RARRES1: variants seen among roughly 807,000 people sequenced by gnomAD.
The protein encoded by RARRES1 is retinoic acid receptor responder 1.
In RARRES1, 34 loss-of-function variants were observed where a neutral mutation model predicts 30.6. That is an observed-to-expected ratio of 1.11 (90% CI 0.84 to 1.48). The LOEUF (loss-of-function observed/expected upper bound fraction) is 1.48. Among genes scored for constraint, RARRES1 ranks in the 40% most tolerant of loss-of-function variants. The pLI is 0.00. For synonymous variants in RARRES1, 153 were observed against 155.5 expected, an observed-to-expected ratio of 0.98 and a Z score of 0.12; for missense variants, 373 against 386.5, an observed-to-expected ratio of 0.97 and a Z score of 0.29.
chr3:158,729,841 T>C (rs1199419923), intron 1 of RARRES1, among the ~76,000 whole-genome samples: 1 of 152,094 alleles, frequency 6.6e-6, no homozygotes, highest in Admixed American at 6.6e-5. Flanking sequence ...TGAGCTTGGT[T>C]TTCTGCAGGG....
chr3:158,710,972 A>C (rs777251163), intron 2 of RARRES1, 39 bp from the exon 3 acceptor site: 3 of 1,543,170 alleles, frequency 1.9e-6, no homozygotes, highest in African/African-American at 2.7e-5. Context: ...CCTCCCACTC[A>C]CCCCAGTGCA....
At chr3:158,717,872 T>C (rs1727375693) in intron 1 of RARRES1, among the ~76,000 whole-genome samples, 1 of 152,038 alleles carries the variant, frequency 6.6e-6, no homozygotes, top group East Asian at 1.9e-4. Context: ...CCACCAGCCA[T>C]GTGAGAGCAG....
intron 4 of RARRES1, among the ~76,000 whole-genome samples, chr3:158,701,290 T>C (rs771124559): frequency 6.6e-6 from 1 of 152,170 alleles, no homozygotes; most frequent in Non-Finnish European, 1.5e-5. Flanking sequence ...ATGACATCTA[T>C]TCTTCAGTTC....
intron 4 of RARRES1, among the ~76,000 whole-genome samples, chr3:158,700,610 T>C (rs1236425522): frequency 6.6e-6 from 1 of 152,152 alleles, no homozygotes; most frequent in East Asian, 1.9e-4. Context: ...TTTAAAAAAA[T>C]GCAGAAGAGG....
At chr3:158,714,177 C>T (rs1290559230) in intron 1 of RARRES1, among the ~76,000 whole-genome samples, 1 of 152,200 alleles carries the variant, frequency 6.6e-6, no homozygotes, top group African/African-American at 2.4e-5. Flanking sequence ...ATTCCTTCAT[C>T]CCCAACTCCT....
intron 1 of RARRES1, among the ~76,000 whole-genome samples, chr3:158,730,582 C>A (rs1044768548): frequency 6.6e-6 from 1 of 151,794 alleles, no homozygotes; most frequent in Non-Finnish European, 1.5e-5. Flanking sequence ...CACAGGCCCA[C>A]GCCACCACAT....
intron 1 of RARRES1, among the ~76,000 whole-genome samples, chr3:158,718,351 A>G (rs1727391993): frequency 6.6e-6 from 1 of 152,196 alleles, no homozygotes; most frequent in African/African-American, 2.4e-5. Context: ...TAGCCCAATA[A>G]TTGGGCCAAT....
At chr3:158,717,863 C>T (rs1428933085) in intron 1 of RARRES1, among the ~76,000 whole-genome samples, 1 of 152,142 alleles carries the variant, frequency 6.6e-6, no homozygotes, top group African/African-American at 2.4e-5. Flanking sequence ...GCCACCCTCC[C>T]ACCAGCCATG....
Position 158,710,877 on chromosome 3 carries a change from G to C in RARRES1, c.396C>G (p.Phe132Leu), listed in dbSNP as rs1321884163. ...RLGKCSARVF[F>L]KNQKPRPTIN... The stretch of plus-strand genomic sequence containing the variant: ...TGGTTGGTCTGGGTTTCTGATTCTT[G>C]AAAAACACTCGAGCAGAACATTTCC... Residue 132 changes from phenylalanine to leucine, a missense_variant, in exon 3 of 6, where the codon TTC (phenylalanine) becomes TTG (leucine). Phe to Leu is a conservative substitution (Grantham distance 22). Transcript: ENST00000237696. 1.2e-6 allele frequency: 2 copies of C among 1,613,780 alleles called. No homozygotes were observed. Among genetic ancestry groups the C allele is most frequent in the African/African-American group, 2.7e-5 (2 of 74,876 alleles).
intron 1 of RARRES1, among the ~76,000 whole-genome samples, chr3:158,716,429 A>T (rs1167679284): frequency 2.6e-5 from 4 of 152,230 alleles, no homozygotes; most frequent in Non-Finnish European, 4.4e-5. Context: ...ATAATTGTGC[A>T]TATTTTAAAT....
chr3:158,730,578 C>T (rs1379306906), intron 1 of RARRES1, among the ~76,000 whole-genome samples: 2 of 151,732 alleles, frequency 1.3e-5, no homozygotes, highest in East Asian at 3.9e-4. Flanking sequence ...GGACCACAGG[C>T]CCACGCCACC....
rs574060732 is a variant in RARRES1, at chr3:158,704,947, C to T, written c.536-20G>A. The T allele has an allele frequency of 7.5e-6, 12 of 1,600,116 alleles. No individual in the cohort carries two copies. The highest frequency in any genetic ancestry group is 1.0e-5 in the Non-Finnish European group (12 of 1,176,214). Reference sequence around the variant, plus strand: ...GATTATCTGAGAGAGACAAAAAAAGCACATTTGTATTAATGCATTTTTGAG... The same window carrying T: ...GATTATCTGAGAGAGACAAAAAAAGTACATTTGTATTAATGCATTTTTGAG... On this transcript the variant is annotated intron_variant, in intron 3 of 5. Coordinates refer to ENST00000237696, the MANE Select transcript of RARRES1 (RefSeq NM_206963.2).
chr3:158,728,355 T>A (rs1298547429), intron 1 of RARRES1, among the ~76,000 whole-genome samples: 1 of 152,086 alleles, frequency 6.6e-6, no homozygotes, highest in Non-Finnish European at 1.5e-5. Flanking sequence ...ACCCATGAAC[T>A]ACACTTCTCT....
At chr3:158,722,086 C>CAAAAAAAAAAAAAAAAAAA (rs571829700) in intron 1 of RARRES1, among the ~76,000 whole-genome samples, 13 of 68,740 alleles carry the variant, frequency 1.9e-4, no homozygotes, top group Non-Finnish European at 2.9e-4. Flanking sequence ...GAATGAAACT[C>CAAAAAAAAAAAAAAAAAAA]AAAAAAAAAA....
intron 1 of RARRES1, 27 bp from the exon 2 acceptor site, chr3:158,713,886 A>G: frequency 2.5e-6 from 4 of 1,590,038 alleles, no homozygotes; most frequent in Non-Finnish European, 3.4e-6. Context: ...GAATCTTAGT[A>G]TAGTAGAAGC....
At chr3:158,731,042 C>G (rs899520974) in intron 1 of RARRES1, among the ~76,000 whole-genome samples, 5 of 152,150 alleles carry the variant, frequency 3.3e-5, no homozygotes, top group Non-Finnish European at 7.3e-5. Flanking sequence ...CTCGGCCTCC[C>G]AAAGTGCTGG....
Position 158,732,340 on chromosome 3 carries a change from C to A in RARRES1, c.76G>T (p.Ala26Ser). Reference sequence around the variant, plus strand: ...ACCGGGGCGAGCAACAGCAGCAGCGCGAGCAGCGGGGCGGTGGGGCGCGGG... The same window carrying A: ...ACCGGGGCGAGCAACAGCAGCAGCGAGAGCAGCGGGGCGGTGGGGCGCGGG... ...RGPRPTAPLL[A>S]LLLLLAPVAA... Residue 26 changes from alanine to serine, a missense_variant, in exon 1 of 6, where the codon GCG (alanine) becomes TCG (serine). Ala to Ser is a moderately conservative substitution (Grantham distance 99). Transcript: ENST00000237696. The A allele has an allele frequency of 7.1e-7, 1 of 1,407,970 alleles. No homozygotes were observed. The allele number at this position is 1,407,970 out of a possible 1,614,324, so 87.2% of individuals were successfully genotyped here. A position where few individuals can be genotyped will look rare whatever the true frequency, so the allele number is the denominator to read the frequency against.
intron 1 of RARRES1, among the ~76,000 whole-genome samples, chr3:158,720,956 C>T (rs1046202593): frequency 6.6e-6 from 1 of 152,136 alleles, no homozygotes; most frequent in East Asian, 1.9e-4. Context: ...TTGGATATAA[C>T]ATTTCTTTTT....
chr3:158,720,626 T>A (rs556578954), intron 1 of RARRES1, among the ~76,000 whole-genome samples: 1 of 152,226 alleles, frequency 6.6e-6, no homozygotes, highest in South Asian at 2.1e-4. Flanking sequence ...CTCCAATCTG[T>A]GCCTCTATTA....
Sources: allele counts gnomAD v4.1 joint callset (sites outside exome capture counted in the v4.1 genomes callset), GRCh38; gene constraint gnomAD v4.1.1; transcripts MANE v1.5; gene names NCBI Gene and HGNC (gene_info 2026-07-23, HGNC 2026-07-21).